The following CRTC1 variants were observed in gnomAD, a reference collection of about 807,000 sequenced individuals.
The protein encoded by CRTC1 is CREB regulated transcription coactivator 1, also known as CREB-regulated transcription coactivator 1.
A neutral mutation model predicts 66.1 loss-of-function variants in CRTC1; 18 were observed. The ratio of observed to expected loss-of-function variants is 0.27; its 90% CI spans 0.19 to 0.40. The LOEUF is 0.40. CRTC1 is among the 10% of genes least tolerant of loss of function. CRTC1 has a pLI of 1.00. For missense variants in CRTC1, 669 were observed against 887.9 expected, an observed-to-expected ratio of 0.75 and a Z score of 3.13; for synonymous variants, 416 against 398.8, an observed-to-expected ratio of 1.04 and a Z score of -0.51.
rs2054111893 is a variant in CRTC1 at position 18,741,581 on chromosome 19, C to T, written c.127-1329C>T. Among the ~76,000 whole-genome samples the T allele has an allele frequency of 6.6e-6, 1 of 152,156 alleles. No individual in the cohort carries two copies. The highest frequency in any genetic ancestry group is 1.5e-5 in the Non-Finnish European group (1 of 68,004). ...TGGGAGCTGTAGGACCCCCACCCTACACCCCCTCCCTCTGCCACAGCCCGG... is the reference window on the plus strand; with the variant it reads ...TGGGAGCTGTAGGACCCCCACCCTATACCCCCTCCCTCTGCCACAGCCCGG... On this transcript the variant is annotated intron_variant, in intron 1 of 13. Coordinates refer to ENST00000321949, the MANE Select transcript of CRTC1 (RefSeq NM_015321.3). The surrounding 1 kb of genome is among the most constrained non-coding windows in gnomAD (Gnocchi z 4.2).
intron 1 of CRTC1, among the ~76,000 whole-genome samples, chr19:18,740,335 C>A (rs75205307): frequency 0.01 from 1,592 of 152,238 alleles, 40 homozygotes; most frequent in African/African-American, 0.037. Context: ...GTCAGCCCCT[C>A]ATGTGAACAG....
chr19:18,725,366 C>T (rs1370984426), intron 1 of CRTC1, among the ~76,000 whole-genome samples: 1 of 152,204 alleles, frequency 6.6e-6, no homozygotes, highest in Non-Finnish European at 1.5e-5. Flanking sequence ...CTGTCCAGCT[C>T]CCAGAATCCT....
chr19:18,748,180 C>T (rs1051739317), intron 4 of CRTC1, among the ~76,000 whole-genome samples: 6 of 152,090 alleles, frequency 3.9e-5, no homozygotes, highest in African/African-American at 1.4e-4. Flanking sequence ...GAACTATACA[C>T]TCAAAAACAG....
intron 12 of CRTC1, among the ~76,000 whole-genome samples, chr19:18,775,372 G>C (rs1260499781): frequency 1.3e-5 from 2 of 152,226 alleles, no homozygotes; most frequent in Non-Finnish European, 2.9e-5. Context: ...GGCCAGGATC[G>C]GGGGCATCCA....
At chr19:18,754,514 T>TG (rs1177134772) in intron 6 of CRTC1, among the ~76,000 whole-genome samples, 2 of 151,862 alleles carry the variant, frequency 1.3e-5, no homozygotes, top group Admixed American at 6.5e-5. Flanking sequence ...CCCCTTCTGG[T>TG]GGGGAAAAAA....
At chr19:18,727,794 T>C (rs1482084479) in intron 1 of CRTC1, among the ~76,000 whole-genome samples, 1 of 151,968 alleles carries the variant, frequency 6.6e-6, no homozygotes, top group Non-Finnish European at 1.5e-5. Context: ...CAATCTTGGC[T>C]CACTGCCACC....
intron 1 of CRTC1, among the ~76,000 whole-genome samples, chr19:18,693,881 C>A (rs890720952): frequency 6.6e-6 from 1 of 151,972 alleles, no homozygotes; most frequent in Non-Finnish European, 1.5e-5. Context: ...CACCTGTCAT[C>A]CCAGAGCTTT....
chr19:18,708,417 A>G (rs2053312571), intron 1 of CRTC1, among the ~76,000 whole-genome samples: 1 of 152,176 alleles, frequency 6.6e-6, no homozygotes, highest in East Asian at 1.9e-4. Context: ...GGTGCCCGAG[A>G]GAGGAACGGG....
At chr19:18,703,890 G>T (rs891564200) in intron 1 of CRTC1, among the ~76,000 whole-genome samples, 2 of 152,194 alleles carry the variant, frequency 1.3e-5, no homozygotes, top group Non-Finnish European at 2.9e-5. Context: ...GAGCCACTGC[G>T]CCTGGCAACG....
intron 1 of CRTC1, among the ~76,000 whole-genome samples, chr19:18,726,929 G>GGAA (rs1213292084): frequency 8.9e-6 from 1 of 111,906 alleles, no homozygotes; most frequent in African/African-American, 3.6e-5. Context: ...CCGTCTTGGG[G>GGAA]AAAAAAAAAA....
Position 18,777,537 on chromosome 19 carries a change from C to G in CRTC1, c.*155C>G. The G allele has an allele frequency of 1.4e-6, 1 of 707,852 alleles. No homozygotes were observed. Among genetic ancestry groups the G allele is most frequent in the Non-Finnish European group, 2.4e-6 (1 of 424,348 alleles). The allele number at this position is 707,852 out of a possible 1,614,324, so 43.8% of individuals were successfully genotyped here. ...CGCCAGCCCGCCCCCGGTTGTCCACCTCCCGCGAAGCCCAATCGCGAGGCC... is the reference window on the plus strand; with the variant it reads ...CGCCAGCCCGCCCCCGGTTGTCCACGTCCCGCGAAGCCCAATCGCGAGGCC... On this transcript the variant is annotated 3_prime_UTR_variant, in exon 14 of 14. Coordinates refer to ENST00000321949, the MANE Select transcript of CRTC1 (RefSeq NM_015321.3). This position sits in a 1 kb window ranked among gnomAD's most constrained non-coding sequence, Gnocchi z 5.5.
chr19:18,710,552 A>C (rs913009518), intron 1 of CRTC1, among the ~76,000 whole-genome samples: 2 of 152,190 alleles, frequency 1.3e-5, no homozygotes, highest in African/African-American at 4.8e-5. Context: ...GTCAGAGGGT[A>C]GCGAGGGTCA....
chr19:18,759,063 A>G (rs2054555693), intron 6 of CRTC1, among the ~76,000 whole-genome samples: 1 of 152,156 alleles, frequency 6.6e-6, no homozygotes, highest in African/African-American at 2.4e-5. Flanking sequence ...AGCCGGGCGC[A>G]GTGCAGTGAC....
At chr19:18,762,219 G>A (rs749053345) in intron 8 of CRTC1, among the ~76,000 whole-genome samples, 7 of 152,200 alleles carry the variant, frequency 4.6e-5, no homozygotes, top group Non-Finnish European at 4.4e-5. Context: ...GCGCCCGCCC[G>A]GGAGCTGCGC....
intron 11 of CRTC1, among the ~76,000 whole-genome samples, chr19:18,774,435 C>T (rs926516928): frequency 2.6e-5 from 4 of 152,216 alleles, no homozygotes; most frequent in African/African-American, 7.2e-5. Context: ...TGGCTCTGTG[C>T]GCCCATCCTG....
rs377708948 is a variant in CRTC1 at position 18,777,329 on chromosome 19, A to G, written c.1852A>G (p.Met618Val). 1.2e-5 allele frequency: 19 copies of G among 1,609,872 alleles called. No individual in the cohort carries two copies. In the Admixed American group the frequency reaches 1.3e-4, roughly 11 times the overall value. The change falls in exon 14 of 14, where the codon ATG becomes GTG. Residue 618 changes from methionine to valine, a missense_variant. This residue lies in a region of CRTC1 where 91 missense variants were observed against 99.1 expected (regional missense o/e 0.92). Transcript: ENST00000321949. This position sits in a 1 kb window ranked among gnomAD's most constrained non-coding sequence, Gnocchi z 5.5. ...DGLHMLNDPD[M>V]VLADPATEDT... Reference sequence around the variant, plus strand: ...ACTGCACATGCTCAACGACCCCGACATGGTTCTGGCCGACCCAGCCACCGA... The same window carrying G: ...ACTGCACATGCTCAACGACCCCGACGTGGTTCTGGCCGACCCAGCCACCGA...
intron 1 of CRTC1, among the ~76,000 whole-genome samples, chr19:18,705,778 A>G (rs2053247712): frequency 7.3e-6 from 1 of 136,942 alleles, no homozygotes; most frequent in African/African-American, 2.9e-5. Context: ...AATGTCTACT[A>G]ATATTTACTA....
chr19:18,765,261 A>AGTTG, intron 8 of CRTC1, 143 bp from the exon 9 acceptor site: 1 of 1,253,192 alleles, frequency 8.0e-7, no homozygotes, highest in Non-Finnish European at 1.1e-6. Context: ...GGGGGTGCCC[A>AGTTG]GGTTTGGCAG....
chr19:18,761,358 A>G (rs1288003415), intron 8 of CRTC1, among the ~76,000 whole-genome samples: 1 of 150,262 alleles, frequency 6.7e-6, no homozygotes. Flanking sequence ...CGTGGCCCCA[A>G]CTAGTCCTGG....
Sources: allele counts gnomAD v4.1 joint callset (sites outside exome capture counted in the v4.1 genomes callset), GRCh38; gene constraint gnomAD v4.1.1; regional missense constraint gnomAD v4.1.1; non-coding constraint Gnocchi (gnomAD v3.1); transcripts MANE v1.5; gene names NCBI Gene and HGNC (gene_info 2026-07-23, HGNC 2026-07-21).